The following SGPP2 variants were observed in gnomAD, a reference collection of about 807,000 sequenced individuals.
SGPP2 encodes the protein sphingosine-1-phosphate phosphatase 2.
Under a neutral mutation model 33.9 loss-of-function variants are expected in SGPP2, and 30 were observed. That is an observed-to-expected ratio of 0.89 (90% CI 0.66 to 1.20). SGPP2 has a LOEUF of 1.20. Ranked by LOEUF, SGPP2 falls within the 50% of genes most tolerant of loss-of-function variation. The pLI, the probability that SGPP2 is intolerant of heterozygous loss-of-function variation, is 0.00. For synonymous variants in SGPP2, 233 were observed against 225.0 expected (o/e 1.04, Z -0.32); for missense variants, 458 against 532.1 (o/e 0.86, Z 1.37).
intron 3 of SGPP2, among the ~76,000 whole-genome samples, chr2:222,522,739 C>T (rs552394139): frequency 8.7e-4 from 133 of 152,254 alleles, no homozygotes; most frequent in African/African-American, 3.0e-3. Context: ...AGTGCAGTGG[C>T]GCCATCACCA....
chr2:222,462,168 C>T lies in SGPP2; in HGVS notation c.220-12400C>T, dbSNP rs182537617. Among the ~76,000 whole-genome samples, 264 of 152,082 alleles carry T rather than the reference C, an allele frequency of 1.7e-3. 2 individuals are homozygous for T. The highest frequency in any genetic ancestry group is 0.017 in the Middle Eastern group (5 of 294). ...TCAGGAGAATAACACAAGCAAACAT[C>T]GTAAGGCCAAGAAACTCAAGCAGAT... On this transcript the variant is annotated intron_variant, in intron 1 of 4. Transcript: ENST00000321276.
intron 1 of SGPP2, among the ~76,000 whole-genome samples, chr2:222,432,148 A>G (rs939917323): frequency 3.3e-5 from 5 of 152,200 alleles, no homozygotes; most frequent in African/African-American, 4.8e-5. Context: ...TGTGTTAAGA[A>G]GGGATCTCAG....
At chr2:222,533,075 A>G (rs1252939727) in intron 4 of SGPP2, among the ~76,000 whole-genome samples, 2 of 152,232 alleles carry the variant, frequency 1.3e-5, no homozygotes, top group African/African-American at 2.4e-5. Flanking sequence ...GTATAATTTC[A>G]TGTTCTCTTA....
intron 4 of SGPP2, among the ~76,000 whole-genome samples, chr2:222,534,163 G>A (rs1422457705): frequency 6.6e-6 from 1 of 152,138 alleles, no homozygotes; most frequent in Non-Finnish European, 1.5e-5. Context: ...GAGGAAGGAG[G>A]GCTAGAGCAA....
At chr2:222,551,815 CAAAGG>C (rs1280964852) in intron 4 of SGPP2, among the ~76,000 whole-genome samples, 1 of 152,080 alleles carries the variant, frequency 6.6e-6, no homozygotes, top group African/African-American at 2.4e-5. Flanking sequence ...CAAAGGAAGA[CAAAGG>C]AAAGGAAGAC....
chr2:222,424,766 AC>A lies in SGPP2; in HGVS notation c.165del (p.Asn55LysfsTer27). On this transcript the variant is annotated frameshift_variant, in exon 1 of 5. Coordinates refer to ENST00000321276, the MANE Select transcript of SGPP2 (RefSeq NM_152386.4). LOFTEE classifies it high-confidence loss of function. Reference sequence around the variant, plus strand: ...GGGGTCGAGCATCTCCCCGCAGCCAACGGCAAGGGCGGCGAGGCTCCGGCCA... The same window carrying A: ...GGGGTCGAGCATCTCCCCGCAGCCAAGGCAAGGGCGGCGAGGCTCCGGCCA... ...VPGVEHLPAA[N>X]GKGGEAPANG... 1 of 1,404,626 alleles carries A rather than the reference AC, an allele frequency of 7.1e-7. No individual in the cohort carries two copies. The highest frequency in any genetic ancestry group is 9.3e-7 in the Non-Finnish European group (1 of 1,080,820). 87.0% of individuals were successfully genotyped at this position (1,404,626 alleles called of 1,614,324 possible).
chr2:222,548,165 T>C (rs1462787436), intron 4 of SGPP2, among the ~76,000 whole-genome samples: 3 of 152,222 alleles, frequency 2.0e-5, no homozygotes, highest in African/African-American at 7.2e-5. Context: ...CTGAGATCAT[T>C]AATCAATAGT....
intron 1 of SGPP2, among the ~76,000 whole-genome samples, chr2:222,454,763 A>G (rs1364717004): frequency 6.6e-6 from 1 of 151,486 alleles, no homozygotes; most frequent in African/African-American, 2.4e-5. Flanking sequence ...GGCCAATTTG[A>G]ACCTCACTCC....
intron 2 of SGPP2, among the ~76,000 whole-genome samples, chr2:222,511,443 G>T (rs533831395): frequency 6.6e-6 from 1 of 152,238 alleles, no homozygotes; most frequent in African/African-American, 2.4e-5. Flanking sequence ...GTTTACTAAG[G>T]TGTTAATGGT....
rs376841716 is a variant in SGPP2 at position 222,424,661 on chromosome 2, G to A, written c.59G>A (p.Arg20His). The A allele has an allele frequency of 2.2e-3, 3,212 of 1,440,268 alleles. 24 individuals are homozygous for A. The highest frequency in any genetic ancestry group is 0.013 in the South Asian group (929 of 74,118). The allele number at this position is 1,440,268 out of a possible 1,614,324, so 89.2% of individuals were successfully genotyped here. Residue 20 changes from arginine (R) to histidine (H), a missense_variant, in exon 1 of 5, where the codon CGC becomes CAC. Arg to His is a conservative substitution (Grantham distance 29). Coordinates refer to ENST00000321276, the MANE Select transcript of SGPP2 (RefSeq NM_152386.4). ...CAGCTCGTCGCCCGCTTCCAGCGCC[G>A]CTGCGGGCTCTTCCCCGCTCCGGAT... is the stretch of plus-strand genomic sequence containing the variant. ...DSQLVARFQR[R>H]CGLFPAPDEG...
At chr2:222,424,539 CGG>C, upstream of SGPP2, 1 of 1,099,068 alleles carries the variant, frequency 9.1e-7, no homozygotes, top group African/African-American at 1.6e-5. Flanking sequence ...GCGGGAGTGG[CGG>C]TGCCAGCGGA....
At chr2:222,467,792 C>T (rs909416378) in intron 1 of SGPP2, among the ~76,000 whole-genome samples, 3 of 139,830 alleles carry the variant, frequency 2.1e-5, no homozygotes, top group Non-Finnish European at 4.8e-5. Context: ...CTCTCTCAGC[C>T]CCAGAGAACA....
intron 1 of SGPP2, among the ~76,000 whole-genome samples, chr2:222,454,803 A>C (rs1192449270): frequency 6.6e-6 from 1 of 151,882 alleles, no homozygotes; most frequent in Non-Finnish European, 1.5e-5. Context: ...CCTGGAGTAG[A>C]GTCCAGGTAT....
Position 222,552,847 on chromosome 2 carries a change from C to T in SGPP2, c.649-5500C>T, listed in dbSNP as rs148922173. 8.0e-4 allele frequency among the ~76,000 whole-genome samples: 122 copies of T among 152,140 alleles called. 2 individuals are homozygous for T. In the East Asian group the frequency reaches 0.023, roughly 29 times the overall value. ...TGCACTCCAGCCTGAGCAACAAGAG[C>T]GAAACTCCATCTCAAACAAACAAAC... On this transcript the variant is annotated intron_variant, in intron 4 of 4. Transcript: ENST00000321276.
intron 1 of SGPP2, among the ~76,000 whole-genome samples, chr2:222,458,670 C>T (rs1458037406): frequency 6.6e-6 from 1 of 152,100 alleles, no homozygotes; most frequent in Non-Finnish European, 1.5e-5. Context: ...ATGCAATTTA[C>T]CTATGTTGTT....
At chr2:222,471,271 A>G (rs1420569249) in intron 1 of SGPP2, among the ~76,000 whole-genome samples, 3 of 152,066 alleles carry the variant, frequency 2.0e-5, no homozygotes, top group Non-Finnish European at 2.9e-5. Context: ...ATTCCCAGAG[A>G]GGAGTGTCAA....
At chr2:222,435,035 T>C (rs1697217632) in intron 1 of SGPP2, among the ~76,000 whole-genome samples, 1 of 151,190 alleles carries the variant, frequency 6.6e-6, no homozygotes, top group African/African-American at 2.4e-5. Flanking sequence ...TGTGTATATA[T>C]ATGTGTATAT....
Position 222,464,476 on chromosome 2 carries a change from G to A in SGPP2, c.220-10092G>A, listed in dbSNP as rs114963132. Among the ~76,000 whole-genome samples the A allele has an allele frequency of 4.9e-3, 741 of 152,224 alleles. 7 individuals carry two copies. The highest frequency in any genetic ancestry group is 0.017 in the African/African-American group (699 of 41,542). ...GCAAATGCTGTGTCCTTCAAGTACA[G>A]AGGTTTTTTGTTCTTTGCTTTTTTG... On this transcript the variant is annotated intron_variant, in intron 1 of 4. Transcript: ENST00000321276.
intron 4 of SGPP2, among the ~76,000 whole-genome samples, chr2:222,545,959 C>T (rs1398295088): frequency 6.6e-6 from 1 of 152,090 alleles, no homozygotes; most frequent in Non-Finnish European, 1.5e-5. Flanking sequence ...TTGGATACAG[C>T]GACTGTAGAA....
Sources: gnomAD v4.1 joint callset for allele counts (sites outside exome capture counted in the v4.1 genomes callset) on GRCh38, gnomAD v4.1.1 for gene constraint, MANE v1.5 for transcripts, NCBI Gene and HGNC (gene_info 2026-07-23, HGNC 2026-07-21) for gene names.